Variants in CLCA2 observed in about 807,000 individuals in gnomAD.
CLCA2 encodes the protein calcium-activated chloride channel regulator 2.
CLCA2 carries 85 observed loss-of-function variants against 82.9 expected under a neutral mutation model. The ratio of observed to expected loss-of-function variants is 1.03; its 90% CI spans 0.86 to 1.23. The LOEUF (loss-of-function observed/expected upper bound fraction) is 1.23, where lower values mean the gene tolerates loss of function less well. CLCA2 is among the 50% of genes most tolerant of loss of function. The probability of loss-of-function intolerance (pLI) is 0.00; values close to 1 mark genes in which losing one functional copy is unlikely to be tolerated. For missense variants in CLCA2, 1,089 were observed against 1,124.8 expected (o/e 0.97, Z 0.45); for synonymous variants, 421 against 391.7 (o/e 1.07, Z -0.88).
At chr1:86,452,228 C>G (rs1244139601) in intron 12 of CLCA2, among the ~76,000 whole-genome samples, 1 of 101,632 alleles carries the variant, frequency 9.8e-6, no homozygotes, top group Non-Finnish European at 1.9e-5. Flanking sequence ...CTTTTCTTCA[C>G]CATTCTGTAT....
At chr1:86,443,228 C>T (rs1396282453) in intron 9 of CLCA2, among the ~76,000 whole-genome samples, 2 of 152,118 alleles carry the variant, frequency 1.3e-5, no homozygotes, top group Admixed American at 1.3e-4. Context: ...AGGGTTTCAC[C>T]ATGTTGGCCA....
At chr1:86,440,994 A>G (rs1008449903) in intron 8 of CLCA2, among the ~76,000 whole-genome samples, 14 of 152,226 alleles carry the variant, frequency 9.2e-5, no homozygotes, top group African/African-American at 3.4e-4. Context: ...AAGGCACAGA[A>G]TAATTTTATC....
Position 86,453,504 on chromosome 1 carries a change from T to C in CLCA2, c.2291T>C (p.Phe764Ser). 1.2e-6 allele frequency: 2 copies of C among 1,614,180 alleles called. No individual in the cohort carries two copies. The highest frequency in any genetic ancestry group is 1.7e-6 in the Non-Finnish European group (2 of 1,180,028). ...GVPAGPHPDV[F>S]PPCKIIDLEA... Reference sequence around the variant, plus strand: ...CCAGCTGGCCCCCACCCTGATGTGTTTCCACCATGCAAAATTATTGACCTG... The same window carrying C: ...CCAGCTGGCCCCCACCCTGATGTGTCTCCACCATGCAAAATTATTGACCTG... Residue 764 changes from phenylalanine to serine, a missense_variant, in exon 13 of 14, where the codon TTT becomes TCT. By Grantham distance (155) the Phe-to-Ser change is radical. Transcript: ENST00000370565.
chr1:86,430,215 T>G (rs934746627), intron 3 of CLCA2, among the ~76,000 whole-genome samples: 3 of 152,154 alleles, frequency 2.0e-5, no homozygotes, highest in Admixed American at 1.3e-4. Context: ...GAGGAAGTTC[T>G]AAAGGATCTC....
In CLCA2 at chr1:86,441,433, T is replaced by C. The variant is rs771948029; in HGVS notation, c.1382-4T>C. The C allele has an allele frequency of 7.1e-6, 11 of 1,547,188 alleles. No homozygotes were observed. The highest frequency in any genetic ancestry group is 9.8e-6 in the Non-Finnish European group (11 of 1,122,186). The stretch of plus-strand genomic sequence containing the variant: ...ATAGTGAACACTCCTATCATGTATT[T>C]CAGGAGGTTTAAAGTTCTTTGTTCC... On this transcript the variant is annotated splice_polypyrimidine_tract_variant and splice_region_variant and intron_variant, in intron 8 of 13. Transcript: ENST00000370565.
At chr1:86,425,577 C>T in intron 2 of CLCA2, 101 bp downstream of exon 2, 1 of 996,008 alleles carries the variant, frequency 1.0e-6, no homozygotes, top group Admixed American at 3.4e-5. Context: ...AAAAACAAAT[C>T]ATCAGTATTA....
At chr1:86,424,710 T>C (rs1406946738) in intron 1 of CLCA2, among the ~76,000 whole-genome samples, 1 of 152,188 alleles carries the variant, frequency 6.6e-6, no homozygotes, top group South Asian at 2.1e-4. Context: ...TGACTGTTTT[T>C]GGGGTAGCAA....
At chr1:86,432,141 G>C (rs1180652228) in intron 4 of CLCA2, among the ~76,000 whole-genome samples, 2 of 152,040 alleles carry the variant, frequency 1.3e-5, no homozygotes, top group Non-Finnish European at 2.9e-5. Context: ...TCACCATGTT[G>C]GCTAGGCTGG....
intron 8 of CLCA2, among the ~76,000 whole-genome samples, chr1:86,441,080 C>T (rs766562497): frequency 4.6e-5 from 7 of 152,124 alleles, no homozygotes; most frequent in Non-Finnish European, 8.8e-5. Flanking sequence ...TCTTTAAAAG[C>T]AATGTTTTCA....
chr1:86,435,176 T>C (rs1662582784), intron 6 of CLCA2, among the ~76,000 whole-genome samples: 2 of 152,168 alleles, frequency 1.3e-5, no homozygotes, highest in Non-Finnish European at 2.9e-5. Flanking sequence ...GTCAAGGACA[T>C]CCTATTTTTT....
chr1:86,445,765 CT>C (rs988049304), intron 10 of CLCA2, among the ~76,000 whole-genome samples: 15 of 151,992 alleles, frequency 9.9e-5, no homozygotes, highest in African/African-American at 3.4e-4. Context: ...TACCAACCAT[CT>C]TTTAATTTAT....
At chr1:86,454,618 C>A (rs1314515265) in intron 13 of CLCA2, among the ~76,000 whole-genome samples, 1 of 152,056 alleles carries the variant, frequency 6.6e-6, no homozygotes, top group Admixed American at 6.5e-5. Flanking sequence ...ATGGGGAAAC[C>A]CCGTCTCTAC....
intron 5 of CLCA2, among the ~76,000 whole-genome samples, chr1:86,434,139 A>C (rs544991592): frequency 6.6e-6 from 1 of 152,170 alleles, no homozygotes; most frequent in Non-Finnish European, 1.5e-5. Context: ...TATTCCAAGG[A>C]GTAGGCTGAT....
rs1405147285 is a variant in CLCA2, at chr1:86,430,972, T to C, written c.584+2T>C. ...GCAAAATCAAATTAAAGTGACAAGG[T>C]TAGTACTTTTTTTCATGTTATAATT... On this transcript the variant is annotated splice_donor_variant, in intron 4 of 13. Coordinates refer to ENST00000370565, the MANE Select transcript of CLCA2 (RefSeq NM_006536.7). LOFTEE classifies it high-confidence loss of function. The C allele has an allele frequency of 8.2e-6, 13 of 1,587,014 alleles. No individual in the cohort carries two copies. Among genetic ancestry groups the C allele is most frequent in the Non-Finnish European group, 1.1e-5 (13 of 1,158,756 alleles).
At chr1:86,444,560 T>C (rs555178368) in intron 10 of CLCA2, among the ~76,000 whole-genome samples, 1 of 152,178 alleles carries the variant, frequency 6.6e-6, no homozygotes, top group Non-Finnish European at 1.5e-5. Context: ...GGGTATGATA[T>C]TGTGGGCAGA....
intron 8 of CLCA2, among the ~76,000 whole-genome samples, chr1:86,440,658 T>G (rs1227011942): frequency 6.6e-6 from 1 of 152,122 alleles, no homozygotes; most frequent in Non-Finnish European, 1.5e-5. Context: ...CCCAGCACAT[T>G]GGGAGGCTGA....
intron 9 of CLCA2, 92 bp downstream of exon 9, chr1:86,441,635 T>A: frequency 1.3e-6 from 1 of 794,876 alleles, no homozygotes; most frequent in Non-Finnish European, 2.1e-6. Flanking sequence ...CCTGCTTCAT[T>A]AACCTTACTT....
intron 11 of CLCA2, among the ~76,000 whole-genome samples, chr1:86,449,285 A>T (rs1055604065): frequency 6.6e-6 from 1 of 152,210 alleles, no homozygotes; most frequent in Non-Finnish European, 1.5e-5. Context: ...TCTCCATTTT[A>T]TAGATGAGAA....
intron 12 of CLCA2, among the ~76,000 whole-genome samples, chr1:86,452,996 A>C (rs113372394): frequency 8.3e-4 from 127 of 152,240 alleles, no homozygotes; most frequent in African/African-American, 3.0e-3. Context: ...AACATGGTGA[A>C]ACCCTGTCTC....
Sources: allele counts gnomAD v4.1 joint callset (sites outside exome capture counted in the v4.1 genomes callset), GRCh38; gene constraint gnomAD v4.1.1; transcripts MANE v1.5; gene names NCBI Gene and HGNC (gene_info 2026-07-23, HGNC 2026-07-21).